Variants in NKAIN2 observed in about 807,000 individuals in gnomAD.
NKAIN2 encodes sodium/potassium transporting ATPase interacting 2.
Under a neutral mutation model 32.6 loss-of-function variants are expected in NKAIN2, and 14 were observed. That is an observed-to-expected ratio of 0.43 (90% CI 0.28 to 0.67). NKAIN2 has a LOEUF of 0.67. NKAIN2 is among the 30% of genes least tolerant of loss of function. NKAIN2 has a pLI of 0.17. For synonymous variants in NKAIN2, 80 were observed against 87.2 expected (o/e 0.92, Z 0.46); for missense variants, 198 against 258.3 (o/e 0.77, Z 1.60).
At chr6:124,357,935 G>A (rs1319112478) in intron 3 of NKAIN2, among the ~76,000 whole-genome samples, 3 of 151,804 alleles carry the variant, frequency 2.0e-5, no homozygotes, top group Non-Finnish European at 4.4e-5. Flanking sequence ...CAACCCGCAC[G>A]CCACAACAGG....
chr6:124,134,624 C>A (rs1005158994), intron 1 of NKAIN2, among the ~76,000 whole-genome samples: 2 of 152,132 alleles, frequency 1.3e-5, no homozygotes, highest in Non-Finnish European at 2.9e-5. Context: ...GCGGAGGCTG[C>A]AGTGAGCCAG....
rs1327055643 is a variant in NKAIN2 at position 124,825,470 on chromosome 6, T to A, written c.*2241T>A. 1 of 152,642 alleles carries A rather than the reference T, an allele frequency of 6.6e-6. No individual in the cohort carries two copies. The highest frequency in any genetic ancestry group is 2.4e-5 in the African/African-American group (1 of 41,460). The allele number at this position is 152,642 out of a possible 1,614,324, so 9.5% of individuals were successfully genotyped here. On this transcript the variant is annotated 3_prime_UTR_variant, in exon 7 of 7. Transcript: ENST00000368417. ...CCTCAAAATCCGGTGAAGAATGCTATTTTTCTAGGCTGAGCTTTTGTTATA... is the reference window on the plus strand; with the variant it reads ...CCTCAAAATCCGGTGAAGAATGCTAATTTTCTAGGCTGAGCTTTTGTTATA...
chr6:124,758,082 C>A (rs1778049578), intron 4 of NKAIN2, among the ~76,000 whole-genome samples: 1 of 152,076 alleles, frequency 6.6e-6, no homozygotes, highest in Non-Finnish European at 1.5e-5. Context: ...ATATTATCCC[C>A]AAGTTTCATT....
intron 1 of NKAIN2, among the ~76,000 whole-genome samples, chr6:124,080,176 G>GT (rs1220427509): frequency 2.0e-5 from 3 of 152,120 alleles, no homozygotes; most frequent in Non-Finnish European, 4.4e-5. Context: ...TCTTGTCTGA[G>GT]TTTACCTAGG....
At chr6:124,273,948 G>C (rs1179421541) in intron 1 of NKAIN2, among the ~76,000 whole-genome samples, 1 of 152,178 alleles carries the variant, frequency 6.6e-6, no homozygotes, top group Non-Finnish European at 1.5e-5. Context: ...GTTCTTCTGA[G>C]AAGTTAGATT....
intron 4 of NKAIN2, among the ~76,000 whole-genome samples, chr6:124,737,350 TCTC>T (rs1777000016): frequency 6.6e-6 from 1 of 151,790 alleles, no homozygotes; most frequent in Non-Finnish European, 1.5e-5. Context: ...GCTTGGCACT[TCTC>T]CTTGCTGCCA....
intron 1 of NKAIN2, among the ~76,000 whole-genome samples, chr6:124,066,025 A>G (rs1783156322): frequency 6.6e-6 from 1 of 152,142 alleles, no homozygotes; most frequent in African/African-American, 2.4e-5. Flanking sequence ...GAACAACATA[A>G]GTCAAGCTAG....
intron 2 of NKAIN2, among the ~76,000 whole-genome samples, chr6:124,332,830 A>G (rs1004107268): frequency 1.3e-5 from 2 of 152,208 alleles, no homozygotes; most frequent in African/African-American, 2.4e-5. Context: ...TGAGAAAAGT[A>G]TACTTCTCCA....
At chr6:124,307,638 T>C (rs1485662096) in intron 2 of NKAIN2, among the ~76,000 whole-genome samples, 1 of 152,192 alleles carries the variant, frequency 6.6e-6, no homozygotes, top group African/African-American at 2.4e-5. Context: ...CAATTACAAT[T>C]GAATTTCTTG....
At chr6:124,492,721 T>G (rs556717078) in intron 3 of NKAIN2, among the ~76,000 whole-genome samples, 15 of 152,042 alleles carry the variant, frequency 9.9e-5, no homozygotes, top group Non-Finnish European at 2.1e-4. Flanking sequence ...ATATACTTAA[T>G]GTAAAATAAC....
chr6:124,572,072 C>T (rs1049296939), intron 3 of NKAIN2, among the ~76,000 whole-genome samples: 24 of 152,136 alleles, frequency 1.6e-4, no homozygotes, highest in African/African-American at 4.1e-4. Context: ...AGTCCTCTAC[C>T]CAGTGGCATA....
intron 4 of NKAIN2, among the ~76,000 whole-genome samples, chr6:124,710,206 T>C (rs1282939918): frequency 1.3e-5 from 2 of 152,146 alleles, no homozygotes; most frequent in Non-Finnish European, 2.9e-5. Flanking sequence ...TAGTTTGTTA[T>C]AATCTCTGTT....
chr6:124,234,039 C>G (rs1562440428), intron 1 of NKAIN2, among the ~76,000 whole-genome samples: 1 of 152,108 alleles, frequency 6.6e-6, no homozygotes, highest in East Asian at 1.9e-4. Context: ...GAAATTTAGT[C>G]CTTGGATCTA....
Position 123,815,593 on chromosome 6 carries a change from A to G in NKAIN2, c.54+11339A>G, listed in dbSNP as rs201500080. Among the ~76,000 whole-genome samples, 39 of 152,244 alleles carry G rather than the reference A, an allele frequency of 2.6e-4. No homozygotes were observed. The East Asian group carries it at 7.2e-3, about 28-fold the overall frequency. Reference sequence around the variant, plus strand: ...AGCTACTAACTCTCTTACCAGGAAAATGGGCTTCAAAAACTTGTGAGCTCA... The same window carrying G: ...AGCTACTAACTCTCTTACCAGGAAAGTGGGCTTCAAAAACTTGTGAGCTCA... On this transcript the variant is annotated intron_variant, in intron 1 of 6. Coordinates refer to ENST00000368417, the MANE Select transcript of NKAIN2 (RefSeq NM_001040214.3).
chr6:124,546,675 C>T (rs1396830750), intron 3 of NKAIN2, among the ~76,000 whole-genome samples: 1 of 151,912 alleles, frequency 6.6e-6, no homozygotes, highest in Non-Finnish European at 1.5e-5. Context: ...GATATGCTTC[C>T]CCCTCAAGAA....
intron 3 of NKAIN2, among the ~76,000 whole-genome samples, chr6:124,625,582 A>AAGAGT (rs990861882): frequency 6.6e-6 from 1 of 152,236 alleles, no homozygotes; most frequent in African/African-American, 2.4e-5. Context: ...GTGGTGCAGC[A>AAGAGT]AGAGTATTTT....
At chr6:123,967,885 C>G (rs533057887) in intron 1 of NKAIN2, among the ~76,000 whole-genome samples, 1 of 152,124 alleles carries the variant, frequency 6.6e-6, no homozygotes, top group Non-Finnish European at 1.5e-5. Context: ...TGTGCTCGCT[C>G]TCTGTGGTAT....
intron 1 of NKAIN2, among the ~76,000 whole-genome samples, chr6:124,179,906 A>G (rs1005066790): frequency 6.6e-6 from 1 of 152,198 alleles, no homozygotes; most frequent in Admixed American, 6.5e-5. Flanking sequence ...GCAGTAACTG[A>G]AGCTTTATTT....
chr6:124,143,385 C>T (rs1787237609), intron 1 of NKAIN2, among the ~76,000 whole-genome samples: 1 of 152,114 alleles, frequency 6.6e-6, no homozygotes, highest in Admixed American at 6.5e-5. Flanking sequence ...CATTTGAGCC[C>T]AGAGTTTGAG....
Sources: gnomAD v4.1 joint callset for allele counts (sites outside exome capture counted in the v4.1 genomes callset) on GRCh38, gnomAD v4.1.1 for gene constraint, MANE v1.5 for transcripts, NCBI Gene and HGNC (gene_info 2026-07-23, HGNC 2026-07-21) for gene names.